Variants in MPPED1 observed in about 807,000 individuals in gnomAD.
The protein encoded by MPPED1 is metallophosphoesterase domain-containing protein 1.
A neutral mutation model predicts 36.2 loss-of-function variants in MPPED1; 16 were observed. The ratio of observed to expected loss-of-function variants is 0.44; its 90% confidence interval spans 0.30 to 0.67. The LOEUF (loss-of-function observed/expected upper bound fraction) is 0.67, where lower values mean the gene tolerates loss of function less well. Among genes scored for constraint, MPPED1 ranks in the 30% least tolerant of loss-of-function variants. The pLI is 0.10. For synonymous variants in MPPED1, 199 were observed against 191.3 expected, an observed-to-expected ratio of 1.04 and a Z score of -0.33; for missense variants, 307 against 453.4, an observed-to-expected ratio of 0.68 and a Z score of 2.93.
At chr22:43,438,519 T>C (rs1165413909) in intron 3 of MPPED1, among the ~76,000 whole-genome samples, 2 of 151,914 alleles carry the variant, frequency 1.3e-5, no homozygotes, top group African/African-American at 4.8e-5. Context: ...GGTTTTTGTA[T>C]GGGGATGACC....
chr22:43,478,349 T>G (rs1931641747), intron 4 of MPPED1, among the ~76,000 whole-genome samples: 1 of 152,136 alleles, frequency 6.6e-6, no homozygotes, highest in African/African-American at 2.4e-5. Context: ...TCATCAAGGA[T>G]GTACAGAGTG....
chr22:43,452,936 TA>T (rs1930623159), intron 3 of MPPED1, among the ~76,000 whole-genome samples: 1 of 149,308 alleles, frequency 6.7e-6, no homozygotes, highest in Non-Finnish European at 1.5e-5. Context: ...AGAAATATTT[TA>T]AAAACAGGAA....
At chr22:43,417,561 CT>C (rs1030195667) in intron 1 of MPPED1, 1 of 151,624 alleles carries the variant, frequency 6.6e-6, no homozygotes, top group African/African-American at 2.4e-5. Context: ...GATTTTTGAG[CT>C]TGTGTGGGAA....
chr22:43,474,810 G>A lies in MPPED1; in HGVS notation c.481G>A (p.Asp161Asn). ...GACCTTTGACCAGGAGTTCATGGCC[G>A]ACCTCATCAAGCAGGACTTTTACTA... ...ELTFDQEFMA[D>N]LIKQDFYYFP... The change falls in exon 4 of 7, where the codon GAC (aspartate) becomes AAC (asparagine). Residue 161 changes from aspartate to asparagine, a missense_variant. Physicochemically the swap from Asp to Asn is conservative, Grantham distance 23. Around this residue, in one of 3 missense-constraint regions of MPPED1, gnomAD observed 6 missense variants for 28.8 expected, o/e 0.21. Transcript: ENST00000443721. The surrounding 1 kb of genome is among the most constrained non-coding windows in gnomAD (Gnocchi z 5.2). 6.8e-6 allele frequency: 11 copies of A among 1,614,054 alleles called. No individual in the cohort carries two copies. Among genetic ancestry groups the A allele is most frequent in the South Asian group, 1.1e-5 (1 of 91,084 alleles).
intron 2 of MPPED1, among the ~76,000 whole-genome samples, chr22:43,431,430 G>T (rs964486216): frequency 2.6e-5 from 4 of 152,068 alleles, no homozygotes; most frequent in Non-Finnish European, 5.9e-5. Context: ...TGGCCTCTGT[G>T]GGTGTCCCAC....
At chr22:43,464,684 C>T (rs554437532) in intron 3 of MPPED1, among the ~76,000 whole-genome samples, 1 of 152,268 alleles carries the variant, frequency 6.6e-6, no homozygotes, top group South Asian at 2.1e-4. Context: ...CAGACTGCAG[C>T]TCTTGGGCTT....
chr22:43,493,939 T>G (rs1442610151), intron 4 of MPPED1, among the ~76,000 whole-genome samples: 1 of 152,122 alleles, frequency 6.6e-6, no homozygotes, highest in African/African-American at 2.4e-5. Flanking sequence ...AAATTCACTC[T>G]CTCACGGTTC....
intron 4 of MPPED1, among the ~76,000 whole-genome samples, chr22:43,497,311 T>C (rs968217930): frequency 2.0e-5 from 3 of 151,980 alleles, no homozygotes; most frequent in African/African-American, 4.8e-5. Flanking sequence ...CTGATGCTTT[T>C]GTTGCAAATG....
At position 43,506,518 on chromosome 22, in the gene MPPED1, C is replaced by G. The variant is rs1932818732; in HGVS notation, c.*902C>G. 1 of 152,284 alleles carries G rather than the reference C, an allele frequency of 6.6e-6. No individual in the cohort carries two copies. Among genetic ancestry groups the G allele is most frequent in the South Asian group, 2.1e-4 (1 of 4,828 alleles). The allele number at this position is 152,284 out of a possible 1,614,324, so 9.4% of individuals were successfully genotyped here. On this transcript the variant is annotated 3_prime_UTR_variant, in exon 7 of 7. Transcript: ENST00000443721. ...ACGCACGCACCCCTCTTAATTGAAC[C>G]AAGTGGGTCCTGTGTTTCTCTTTTC... is the stretch of plus-strand genomic sequence containing the variant.
At chr22:43,443,194 A>C (rs1359159794) in intron 3 of MPPED1, among the ~76,000 whole-genome samples, 1 of 152,226 alleles carries the variant, frequency 6.6e-6, no homozygotes, top group Non-Finnish European at 1.5e-5. Context: ...AGAAGGACCC[A>C]GCTCTGAATT....
chr22:43,435,009 T>A (rs1359565991), intron 2 of MPPED1, 25 bp from the exon 3 acceptor site: 2 of 1,607,884 alleles, frequency 1.2e-6, no homozygotes, highest in Non-Finnish European at 1.7e-6. Flanking sequence ...GGCCTCCTGA[T>A]CCGCAGTGTC....
At chr22:43,414,531 C>T (rs982392211) in intron 1 of MPPED1, among the ~76,000 whole-genome samples, 4 of 152,072 alleles carry the variant, frequency 2.6e-5, no homozygotes, top group Admixed American at 1.3e-4. Context: ...TCATGAATAC[C>T]GGGGGCAGAG....
intron 4 of MPPED1, among the ~76,000 whole-genome samples, chr22:43,489,522 C>A (rs1243184476): frequency 2.0e-5 from 3 of 147,398 alleles, no homozygotes; most frequent in African/African-American, 7.7e-5. Context: ...TGTCCCCTGA[C>A]ATTTTTTTTT....
Position 43,426,948 on chromosome 22 carries a change from G to C in MPPED1, c.224+1739G>C, listed in dbSNP as rs574374877. On this transcript the variant is annotated intron_variant, in intron 2 of 6. Transcript: ENST00000443721. ...CCTCGGTCTGTGAGACTTGAGGCCT[G>C]GGAGGGGCTGCAGGGATGGGGGCCT... Among the ~76,000 whole-genome samples the C allele has an allele frequency of 3.3e-4, 50 of 152,338 alleles. 1 individual carries two copies. The highest frequency in any genetic ancestry group is 1.2e-3 in the African/African-American group (50 of 41,572).
intron 1 of MPPED1, among the ~76,000 whole-genome samples, chr22:43,421,133 G>C (rs1336694879): frequency 6.6e-6 from 1 of 152,266 alleles, no homozygotes; most frequent in Non-Finnish European, 1.5e-5. Flanking sequence ...GTGCTGTGCT[G>C]TTTTGAGGAC....
intron 3 of MPPED1, among the ~76,000 whole-genome samples, chr22:43,436,318 A>G (rs1929958575): frequency 6.6e-6 from 1 of 152,162 alleles, no homozygotes; most frequent in South Asian, 2.1e-4. Context: ...CGTGGCTGCC[A>G]GACGGTCCCT....
In MPPED1 at chr22:43,412,034, G is replaced by C; in HGVS notation, c.-203G>C. 1.0e-6 allele frequency: 1 copy of C among 979,378 alleles called. No individual in the cohort carries two copies. The highest frequency in any genetic ancestry group is 1.2e-6 in the Non-Finnish European group (1 of 827,540). 60.7% of individuals were successfully genotyped at this position (979,378 alleles called of 1,614,324 possible). On this transcript the variant is annotated 5_prime_UTR_variant, in exon 1 of 7. Coordinates refer to ENST00000443721, the MANE Select transcript of MPPED1 (RefSeq NM_001044370.2). The stretch of plus-strand genomic sequence containing the variant: ...CTCCCACTTGCAGCCTCGGACGCGC[G>C]GCGAGGCGGCCGCCGCCGGAGGAGC...
chr22:43,452,843 G>A (rs1274441548), intron 3 of MPPED1, among the ~76,000 whole-genome samples: 1 of 151,798 alleles, frequency 6.6e-6, no homozygotes, highest in Non-Finnish European at 1.5e-5. Context: ...TTCCCAGGCT[G>A]GTCTGAAACT....
At chr22:43,472,918 T>A (rs986884663) in intron 3 of MPPED1, among the ~76,000 whole-genome samples, 13 of 152,154 alleles carry the variant, frequency 8.5e-5, no homozygotes, top group African/African-American at 3.1e-4. Context: ...CATGTACTGC[T>A]GTAAACCTCA....
Sources: allele counts gnomAD v4.1 joint callset (sites outside exome capture counted in the v4.1 genomes callset), GRCh38; gene constraint gnomAD v4.1.1; regional missense constraint gnomAD v4.1.1; non-coding constraint Gnocchi (gnomAD v3.1); transcripts MANE v1.5; gene names NCBI Gene and HGNC (gene_info 2026-07-23, HGNC 2026-07-21).